Variants in CACNA2D3 observed in about 807,000 individuals in gnomAD.
CACNA2D3 encodes the protein voltage-dependent calcium channel subunit alpha-2/delta-3.
In CACNA2D3, 60 loss-of-function variants were observed where a neutral mutation model predicts 160.6. That is an observed-to-expected ratio of 0.37 (90% CI 0.30 to 0.46). CACNA2D3 has a LOEUF of 0.46. Among genes scored for constraint, CACNA2D3 ranks in the 20% least tolerant of loss-of-function variants. The pLI is 1.00. For synonymous variants in CACNA2D3, 558 were observed against 492.9 expected (o/e 1.13, Z -1.75); for missense variants, 1,205 against 1,365.0 (o/e 0.88, Z 1.85).
intron 5 of CACNA2D3, among the ~76,000 whole-genome samples, chr3:54,514,330 C>A (rs1042668052): frequency 6.6e-6 from 1 of 152,188 alleles, no homozygotes; most frequent in Non-Finnish European, 1.5e-5. Flanking sequence ...TGCAAAAAGG[C>A]TCTTCTCCTT....
At chr3:54,738,162 A>G (rs1028994795) in intron 11 of CACNA2D3, among the ~76,000 whole-genome samples, 4 of 152,018 alleles carry the variant, frequency 2.6e-5, no homozygotes, top group African/African-American at 9.7e-5. Context: ...TTGTTTCTCC[A>G]CTCCATGTTG....
chr3:54,194,976 C>T (rs922089930), intron 2 of CACNA2D3, among the ~76,000 whole-genome samples: 3 of 152,314 alleles, frequency 2.0e-5, no homozygotes, highest in East Asian at 1.9e-4. Flanking sequence ...GCTTTTCTCT[C>T]GCCGGTTGTA....
At chr3:54,886,560 G>C (rs1264075603) in intron 23 of CACNA2D3, among the ~76,000 whole-genome samples, 1 of 152,036 alleles carries the variant, frequency 6.6e-6, no homozygotes, top group Non-Finnish European at 1.5e-5. Context: ...GAAGCCCCTG[G>C]GTCCCTGCTC....
intron 11 of CACNA2D3, among the ~76,000 whole-genome samples, chr3:54,649,878 A>G (rs1337588862): frequency 2.0e-5 from 3 of 152,242 alleles, no homozygotes; most frequent in South Asian, 2.1e-4. Flanking sequence ...AACAACCCTT[A>G]TTTTGCCTTG....
chr3:54,756,313 G>A (rs920894797), intron 12 of CACNA2D3, among the ~76,000 whole-genome samples: 11 of 152,116 alleles, frequency 7.2e-5, no homozygotes, highest in South Asian at 2.1e-4. Flanking sequence ...CTTCAAAGTA[G>A]CAATGCCATC....
intron 35 of CACNA2D3, among the ~76,000 whole-genome samples, chr3:55,043,855 T>C (rs1704015144): frequency 6.6e-6 from 1 of 152,236 alleles, no homozygotes. Flanking sequence ...ATTATTCCAT[T>C]ATCATTTGTT....
chr3:54,571,725 C>A (rs1185180934), intron 8 of CACNA2D3, among the ~76,000 whole-genome samples: 6 of 151,488 alleles, frequency 4.0e-5, no homozygotes, highest in Admixed American at 1.3e-4. Flanking sequence ...GGAGTAGTTG[C>A]TATGGACAAT....
chr3:54,818,601 A>T (rs947102593), intron 14 of CACNA2D3, among the ~76,000 whole-genome samples: 14 of 152,216 alleles, frequency 9.2e-5, no homozygotes, highest in African/African-American at 3.4e-4. Flanking sequence ...GTCATCATAT[A>T]TTGACTCACA....
At chr3:54,622,947 C>T (rs1343211075) in intron 9 of CACNA2D3, among the ~76,000 whole-genome samples, 2 of 152,076 alleles carry the variant, frequency 1.3e-5, no homozygotes, top group Admixed American at 6.5e-5. Context: ...TCGCACCATA[C>T]GATGGCTGTG....
chr3:54,885,315 G>A lies in CACNA2D3; in HGVS notation c.1947G>A (p.Leu649=). The part of the protein sequence containing the change: ...LHDLEHPDVS[L]ADEWSYCNTD... ...ACTTAGAACATCCCGATGTGTCCTT[G>A]GCAGATGAATGGTAAGAATTAAACC... is the stretch of plus-strand genomic sequence containing the variant. Residue 649 remains leucine (L), a synonymous_variant, in exon 22 of 38, where the codon TTG becomes TTA. Transcript: ENST00000474759. 1 of 1,613,874 alleles carries A rather than the reference G, an allele frequency of 6.2e-7. No homozygotes were observed.
At chr3:54,813,802 C>T (rs1156643464) in intron 13 of CACNA2D3, among the ~76,000 whole-genome samples, 2 of 151,378 alleles carry the variant, frequency 1.3e-5, no homozygotes, top group East Asian at 1.9e-4. Flanking sequence ...AGAAAAAAAG[C>T]GCAGGGAAAT....
rs1704299400 is a variant in CACNA2D3 at position 54,333,031 on chromosome 3, A to G, written c.321+12473A>G. Among the ~76,000 whole-genome samples, 6 of 152,266 alleles carry G rather than the reference A, an allele frequency of 3.9e-5. No homozygotes were observed. The South Asian group carries it at 1.2e-3, about 32-fold the overall frequency. ...AGGTGGCAGAACCAGAAGGAACAGC[A>G]CATGTGAAGCTGGAGAGGAAGTAGA... On this transcript the variant is annotated intron_variant, in intron 3 of 37. Transcript: ENST00000474759.
chr3:54,406,143 T>C (rs1292445854), intron 4 of CACNA2D3, among the ~76,000 whole-genome samples: 2 of 152,086 alleles, frequency 1.3e-5, no homozygotes, highest in Admixed American at 1.3e-4. Context: ...TGGAGGTTAC[T>C]AAACAAATTG....
chr3:54,421,578 A>G (rs1477721099), intron 4 of CACNA2D3, among the ~76,000 whole-genome samples: 1 of 152,142 alleles, frequency 6.6e-6, no homozygotes, highest in Non-Finnish European at 1.5e-5. Flanking sequence ...TGTGGCAGCA[A>G]CCAGCTCTGG....
intron 14 of CACNA2D3, among the ~76,000 whole-genome samples, chr3:54,831,644 A>G (rs1703880209): frequency 6.6e-6 from 1 of 152,114 alleles, no homozygotes; most frequent in African/African-American, 2.4e-5. Context: ...CAGGTACCTA[A>G]ATTTCTTCTC....
chr3:54,224,073 T>G (rs1285075585), intron 2 of CACNA2D3, among the ~76,000 whole-genome samples: 1 of 152,042 alleles, frequency 6.6e-6, no homozygotes, highest in Non-Finnish European at 1.5e-5. Flanking sequence ...CATTTTTTGG[T>G]TAAAAACTAA....
chr3:54,934,878 C>T (rs1391695056), intron 27 of CACNA2D3, among the ~76,000 whole-genome samples: 1 of 152,096 alleles, frequency 6.6e-6, no homozygotes, highest in Non-Finnish European at 1.5e-5. Context: ...ATTACAGGCA[C>T]ACACCACCAC....
At chr3:54,808,443 T>C (rs746862222) in intron 13 of CACNA2D3, among the ~76,000 whole-genome samples, 1 of 152,022 alleles carries the variant, frequency 6.6e-6, no homozygotes, top group Non-Finnish European at 1.5e-5. Context: ...TCCTCACAGA[T>C]TGTAGTCAAG....
At chr3:54,810,281 C>T (rs1703269103) in intron 13 of CACNA2D3, among the ~76,000 whole-genome samples, 1 of 152,110 alleles carries the variant, frequency 6.6e-6, no homozygotes. Flanking sequence ...CTGGAGTGAA[C>T]CTGGAGAGAC....
Sources: allele counts gnomAD v4.1 joint callset (sites outside exome capture counted in the v4.1 genomes callset), GRCh38; gene constraint gnomAD v4.1.1; transcripts MANE v1.5; gene names NCBI Gene and HGNC (gene_info 2026-07-23, HGNC 2026-07-21).